The following KYNU variants were observed in gnomAD, a reference collection of about 807,000 sequenced individuals.
KYNU encodes the protein L-kynurenine hydrolase.
Under a neutral mutation model 59.2 loss-of-function variants are expected in KYNU, and 54 were observed. The observed-to-expected ratio is 0.91, with a 90% CI of 0.73 to 1.14. The LOEUF is 1.14. KYNU is among the 50% of genes most tolerant of loss of function. The pLI is 0.00. For synonymous variants in KYNU, 177 were observed against 192.0 expected (o/e 0.92, Z 0.65); for missense variants, 567 against 554.4 (o/e 1.02, Z -0.23).
intron 3 of KYNU, among the ~76,000 whole-genome samples, chr2:142,920,537 C>G (rs1236733101): frequency 6.6e-6 from 1 of 152,180 alleles, no homozygotes; most frequent in East Asian, 1.9e-4. Flanking sequence ...TGATTATTTT[C>G]AAGACTTTAA....
intron 5 of KYNU, 135 bp from the exon 6 acceptor site, chr2:142,956,068 C>T: frequency 1.7e-6 from 1 of 571,582 alleles, no homozygotes; most frequent in East Asian, 3.0e-5. Flanking sequence ...AAAGGTAGTC[C>T]TGACAAACAC....
chr2:142,899,502 T>G (rs751446762), intron 2 of KYNU, among the ~76,000 whole-genome samples: 2 of 152,128 alleles, frequency 1.3e-5, no homozygotes, highest in Non-Finnish European at 2.9e-5. Context: ...GTCCCCCATC[T>G]CAACAGAAAA....
intron 10 of KYNU, among the ~76,000 whole-genome samples, chr2:143,026,753 G>T (rs539770230): frequency 1.5e-5 from 1 of 65,364 alleles, no homozygotes; most frequent in Admixed American, 1.3e-4. Context: ...GCAGTCCGCA[G>T]TCCGCAGTCC....
At chr2:142,925,195 C>T (rs1683010214) in intron 3 of KYNU, among the ~76,000 whole-genome samples, 1 of 152,120 alleles carries the variant, frequency 6.6e-6, no homozygotes, top group African/African-American at 2.4e-5. Context: ...AAGTATCTTC[C>T]TTTAACTACC....
chr2:142,934,168 T>C (rs1448992604), intron 4 of KYNU, among the ~76,000 whole-genome samples: 2 of 152,104 alleles, frequency 1.3e-5, no homozygotes, highest in East Asian at 3.9e-4. Context: ...GAGGCGAAAA[T>C]GATAGGCTTT....
At chr2:143,014,128 T>C (rs1351395275) in intron 10 of KYNU, among the ~76,000 whole-genome samples, 2 of 152,254 alleles carry the variant, frequency 1.3e-5, no homozygotes, top group African/African-American at 4.8e-5. Flanking sequence ...ACAAAGATTA[T>C]GGCACCAATT....
chr2:143,041,155 A>AT (rs1044629103), intron 13 of KYNU, among the ~76,000 whole-genome samples: 1 of 151,588 alleles, frequency 6.6e-6, no homozygotes, highest in South Asian at 2.1e-4. Context: ...GCAAGGAATA[A>AT]TTTTTTTTTA....
intron 2 of KYNU, among the ~76,000 whole-genome samples, chr2:142,887,234 A>G (rs1681548731): frequency 6.6e-6 from 1 of 152,174 alleles, no homozygotes; most frequent in Non-Finnish European, 1.5e-5. Flanking sequence ...GAAAATGCAC[A>G]TCAAAACCAC....
intron 1 of KYNU, among the ~76,000 whole-genome samples, chr2:142,883,287 G>A (rs951181981): frequency 4.8e-5 from 7 of 144,878 alleles, no homozygotes; most frequent in Non-Finnish European, 9.0e-5. Context: ...TCCACCCCCC[G>A]GGGTTCACGC....
At chr2:142,965,099 A>G (rs1159067270) in intron 8 of KYNU, among the ~76,000 whole-genome samples, 2 of 152,174 alleles carry the variant, frequency 1.3e-5, no homozygotes, top group Non-Finnish European at 2.9e-5. Flanking sequence ...TTCAGCTACC[A>G]CTGTCAAGTG....
At position 143,054,527 on chromosome 2, in the gene KYNU, C is replaced by T. The variant is rs1173866148; in HGVS notation, c.*12355C>T. Reference sequence around the variant, plus strand: ...AGTGGAGGCATCACGTTGTTATGAACTTCATTGATCAATACTGATACCACT... The same window carrying T: ...AGTGGAGGCATCACGTTGTTATGAATTTCATTGATCAATACTGATACCACT... On this transcript the variant is annotated 3_prime_UTR_variant, in exon 14 of 14. Coordinates refer to ENST00000264170, the MANE Select transcript of KYNU (RefSeq NM_003937.3). The T allele has an allele frequency of 6.6e-6, 1 of 152,128 alleles. No homozygotes were observed. The highest frequency in any genetic ancestry group is 1.9e-4 in the East Asian group (1 of 5,198). The allele number at this position is 152,128 out of a possible 1,614,324, so 9.4% of individuals were successfully genotyped here. A position where few individuals can be genotyped will look rare whatever the true frequency, so the allele number is the denominator to read the frequency against.
At chr2:143,013,822 G>A (rs184646787) in intron 10 of KYNU, among the ~76,000 whole-genome samples, 12 of 152,284 alleles carry the variant, frequency 7.9e-5, no homozygotes, top group Admixed American at 3.3e-4. Context: ...GAGAGGCTTC[G>A]GACCCACAGC....
At chr2:142,931,060 C>T (rs949937385) in intron 4 of KYNU, among the ~76,000 whole-genome samples, 5 of 152,188 alleles carry the variant, frequency 3.3e-5, no homozygotes, top group African/African-American at 1.2e-4. Context: ...GCCTCTTTCT[C>T]GATCTTCAGG....
intron 8 of KYNU, among the ~76,000 whole-genome samples, chr2:142,980,589 A>G (rs765878255): frequency 2.6e-5 from 4 of 152,086 alleles, no homozygotes; most frequent in African/African-American, 7.2e-5. Flanking sequence ...AATCAAATGT[A>G]TGATTTATAA....
chr2:143,043,740 A>T lies in KYNU; in HGVS notation c.*1568A>T, dbSNP rs1200979800. 3 of 146,460 alleles carry T rather than the reference A, an allele frequency of 2.0e-5. No individual in the cohort carries two copies. The Admixed American group carries it at 2.1e-4, about 10-fold the overall frequency. 9.1% of individuals were successfully genotyped at this position (146,460 alleles called of 1,614,324 possible). A position where few individuals can be genotyped will look rare whatever the true frequency, so the allele number is the denominator to read the frequency against. On this transcript the variant is annotated 3_prime_UTR_variant, in exon 14 of 14. Coordinates refer to ENST00000264170, the MANE Select transcript of KYNU (RefSeq NM_003937.3). ...TACATATATAAAAATATATATAAATATATATACTTTATATATATTTATATT... is the reference window on the plus strand; with the variant it reads ...TACATATATAAAAATATATATAAATTTATATACTTTATATATATTTATATT...
intron 8 of KYNU, among the ~76,000 whole-genome samples, chr2:142,968,075 T>A (rs1166293914): frequency 6.6e-6 from 1 of 152,198 alleles, no homozygotes; most frequent in Non-Finnish European, 1.5e-5. Flanking sequence ...CACTGGCCAT[T>A]CACCGAATAG....
chr2:143,033,430 T>C (rs1573918197), intron 12 of KYNU, 109 bp downstream of exon 12: 2 of 850,022 alleles, frequency 2.4e-6, no homozygotes, highest in East Asian at 2.4e-5. Flanking sequence ...ACATGTGCAC[T>C]GTGCATGAAC....
Position 142,985,186 on chromosome 2 carries a change from C to T in KYNU, c.828+4C>T. ...TGCCTGCTGGTGTTCCTACAAGGTA[C>T]AAACGAGTTAATACATTTACATCCC... On this transcript the variant is annotated splice_donor_region_variant and intron_variant, in intron 9 of 13. Coordinates refer to ENST00000264170, the MANE Select transcript of KYNU (RefSeq NM_003937.3). The T allele has an allele frequency of 1.3e-6, 2 of 1,547,142 alleles. No homozygotes were observed. The highest frequency in any genetic ancestry group is 1.8e-6 in the Non-Finnish European group (2 of 1,119,604).
Position 142,922,249 on chromosome 2 carries a change from C to A in KYNU, c.290+3520C>A, listed in dbSNP as rs571238743. On this transcript the variant is annotated intron_variant, in intron 3 of 13. Coordinates refer to ENST00000264170, the MANE Select transcript of KYNU (RefSeq NM_003937.3). ...GGCGTGGTGGTTCAAGGCTGTAACC[C>A]CAGGACTTTGGGAGGCCAAGGCAGG... Among the ~76,000 whole-genome samples the A allele has an allele frequency of 2.0e-5, 3 of 152,256 alleles. No individual in the cohort carries two copies. In the East Asian group the frequency reaches 5.8e-4, roughly 29 times the overall value.
Sources: allele counts gnomAD v4.1 joint callset (sites outside exome capture counted in the v4.1 genomes callset), GRCh38; gene constraint gnomAD v4.1.1; transcripts MANE v1.5; gene names NCBI Gene and HGNC (gene_info 2026-07-23, HGNC 2026-07-21).